The following WWOX variants were observed in gnomAD, a reference collection of about 807,000 sequenced individuals.
WWOX encodes WW domain-containing oxidoreductase.
WWOX carries 69 observed loss-of-function variants against 46.2 expected under a neutral mutation model. The observed-to-expected ratio is 1.49, with a 90% CI of 1.23 to 1.82. The LOEUF (loss-of-function observed/expected upper bound fraction) is 1.82. Among genes scored for constraint, WWOX ranks in the 40% most tolerant of loss-of-function variants. The pLI is 0.00. For missense variants in WWOX, 919 were observed against 542.6 expected, an observed-to-expected ratio of 1.69 and a Z score of -6.89; for synonymous variants, 359 against 202.6, an observed-to-expected ratio of 1.77 and a Z score of -6.56.
chr16:78,548,152 CAAAAAAA>C (rs11320544), intron 8 of WWOX, among the ~76,000 whole-genome samples: 3 of 34,270 alleles, frequency 8.8e-5, no homozygotes, highest in Non-Finnish European at 1.3e-4. Context: ...AAGACTGTCT[CAAAAAAA>C]AAAAAAAAAA....
At chr16:78,301,590 T>A (rs1296148719) in intron 5 of WWOX, among the ~76,000 whole-genome samples, 1 of 152,160 alleles carries the variant, frequency 6.6e-6, no homozygotes, top group East Asian at 1.9e-4. Flanking sequence ...TGCACTCTGT[T>A]TATCTCTAAC....
intron 8 of WWOX, among the ~76,000 whole-genome samples, chr16:78,770,241 C>T (rs1037095607): frequency 6.6e-6 from 1 of 152,062 alleles, no homozygotes; most frequent in Non-Finnish European, 1.5e-5. Context: ...GTTCCAGCTA[C>T]TTGGGAGGCT....
At chr16:78,930,763 A>G (rs1284427261) in intron 8 of WWOX, among the ~76,000 whole-genome samples, 1 of 152,162 alleles carries the variant, frequency 6.6e-6, no homozygotes, top group Non-Finnish European at 1.5e-5. Flanking sequence ...AGTCCTGGCA[A>G]GGTTCCACGG....
At chr16:78,477,123 A>G (rs552456531) in intron 8 of WWOX, among the ~76,000 whole-genome samples, 1 of 152,350 alleles carries the variant, frequency 6.6e-6, no homozygotes, top group South Asian at 2.1e-4. Context: ...AAGCATAGAT[A>G]TTCCATAGCA....
At chr16:79,129,555 G>A (rs1236949430) in intron 8 of WWOX, among the ~76,000 whole-genome samples, 2 of 151,678 alleles carry the variant, frequency 1.3e-5, no homozygotes, top group African/African-American at 4.9e-5. Context: ...CTGTATTTAT[G>A]CTTAAATAAT....
At chr16:78,337,448 C>T (rs2080918685) in intron 5 of WWOX, among the ~76,000 whole-genome samples, 1 of 152,068 alleles carries the variant, frequency 6.6e-6, no homozygotes. Context: ...ATTAGTGTGG[C>T]ACATTTGCTA....
rs58692243 is a variant in WWOX, at chr16:78,590,146, G to GTCTC, written c.1056+157408_1056+157411dup. Among the ~76,000 whole-genome samples, 496 of 149,682 alleles carry GTCTC rather than the reference G, an allele frequency of 3.3e-3. 1 individual carries two copies. The highest frequency in any genetic ancestry group is 4.9e-3 in the Non-Finnish European group (329 of 67,454). On this transcript the variant is annotated intron_variant, in intron 8 of 8. Coordinates refer to ENST00000566780, the MANE Select transcript of WWOX (RefSeq NM_016373.4). ...ATGTCTGATAGATATTAGGCATTCA[G>GTCTC]TCTCTCTCTCTCTCTCTGTTTATTA...
rs561689289 is a variant in WWOX at position 78,604,353 on chromosome 16, G to A, written c.1056+171601G>A. Among the ~76,000 whole-genome samples, 11 of 152,094 alleles carry A rather than the reference G, an allele frequency of 7.2e-5. 1 individual carries two copies. The South Asian group carries it at 2.1e-3, about 29-fold the overall frequency. ...TAGCCCTCATGAATGCTTTAGTGTG[G>A]CAGATGTTACTGTACATGGGCCCTC... On this transcript the variant is annotated intron_variant, in intron 8 of 8. Transcript: ENST00000566780.
chr16:78,595,833 G>A lies in WWOX; in HGVS notation c.1056+163081G>A, dbSNP rs183361621. 1.9e-3 allele frequency among the ~76,000 whole-genome samples: 297 copies of A among 152,328 alleles called. 2 individuals are homozygous for A. The highest frequency in any genetic ancestry group is 6.8e-3 in the African/African-American group (282 of 41,572). ...CGCTTTTTGAACTGTTCTGAAATAT[G>A]CAATACCTTGTTGTTAACTGTATTC... On this transcript the variant is annotated intron_variant, in intron 8 of 8. Coordinates refer to ENST00000566780, the MANE Select transcript of WWOX (RefSeq NM_016373.4).
At chr16:78,389,114 A>G (rs1270580846) in intron 6 of WWOX, among the ~76,000 whole-genome samples, 1 of 152,222 alleles carries the variant, frequency 6.6e-6, no homozygotes, top group Non-Finnish European at 1.5e-5. Flanking sequence ...GAACAGTGAG[A>G]TAACATCCCC....
intron 5 of WWOX, among the ~76,000 whole-genome samples, chr16:78,264,068 C>T (rs1016749459): frequency 6.9e-4 from 73 of 106,350 alleles, no homozygotes; most frequent in African/African-American, 2.6e-3. Context: ...TGGTTTGTTT[C>T]TGGCCACCTG....
intron 5 of WWOX, among the ~76,000 whole-genome samples, chr16:78,376,975 C>G (rs112512261): frequency 0.027 from 4,162 of 152,322 alleles, 158 homozygotes; most frequent in African/African-American, 0.088. Flanking sequence ...CCACTATTGA[C>G]TTGCGACTTG....
intron 8 of WWOX, among the ~76,000 whole-genome samples, chr16:78,505,756 A>G (rs867741626): frequency 1.3e-5 from 2 of 152,234 alleles, no homozygotes; most frequent in Non-Finnish European, 1.5e-5. Context: ...AACCCCAAGC[A>G]TTTGGCCAGG....
rs371026404 is a variant in WWOX, at chr16:78,978,966, C to A, written c.1057-232642C>A. Among the ~76,000 whole-genome samples the A allele has an allele frequency of 7.2e-5, 11 of 152,248 alleles. No homozygotes were observed. The East Asian group carries it at 2.1e-3, about 29-fold the overall frequency. Reference sequence around the variant, plus strand: ...GATGTCCCTCCCCACTTTACTCTCCCCTACACCTTGAAGCAGGTGCAATCA... The same window carrying A: ...GATGTCCCTCCCCACTTTACTCTCCACTACACCTTGAAGCAGGTGCAATCA... On this transcript the variant is annotated intron_variant, in intron 8 of 8. Transcript: ENST00000566780.
At chr16:78,487,737 G>A (rs1162542704) in intron 8 of WWOX, among the ~76,000 whole-genome samples, 1 of 152,066 alleles carries the variant, frequency 6.6e-6, no homozygotes, top group African/African-American at 2.4e-5. Flanking sequence ...TGGCCTTCTG[G>A]GGAGTAAAAT....
chr16:78,811,220 C>T (rs1157184911), intron 8 of WWOX, among the ~76,000 whole-genome samples: 1 of 152,194 alleles, frequency 6.6e-6, no homozygotes, highest in Non-Finnish European at 1.5e-5. Context: ...ATGTTGTATA[C>T]ACATGGTCAC....
intron 8 of WWOX, among the ~76,000 whole-genome samples, chr16:78,943,330 C>A (rs1180543110): frequency 6.6e-6 from 1 of 151,986 alleles, no homozygotes; most frequent in African/African-American, 2.4e-5. Flanking sequence ...ACCCGAGATC[C>A]AAACCCTTTG....
At chr16:78,672,776 G>T (rs2047498028) in intron 8 of WWOX, among the ~76,000 whole-genome samples, 1 of 152,214 alleles carries the variant, frequency 6.6e-6, no homozygotes, top group African/African-American at 2.4e-5. Context: ...ACTGATTATG[G>T]CCTGACAGCT....
At chr16:78,169,375 C>G (rs533732583) in intron 5 of WWOX, among the ~76,000 whole-genome samples, 1 of 151,952 alleles carries the variant, frequency 6.6e-6, no homozygotes, top group African/African-American at 2.4e-5. Context: ...ATGGTTTATT[C>G]TTTCCTTTAC....
Sources: allele counts gnomAD v4.1 joint callset (sites outside exome capture counted in the v4.1 genomes callset), GRCh38; gene constraint gnomAD v4.1.1; transcripts MANE v1.5; gene names NCBI Gene and HGNC (gene_info 2026-07-23, HGNC 2026-07-21).